The following COL5A1 variants were observed in gnomAD, a reference collection of about 807,000 sequenced individuals.
The protein encoded by COL5A1 is collagen alpha-1(V) chain.
Under a neutral mutation model 263.7 loss-of-function variants are expected in COL5A1, and 16 were observed. The ratio of observed to expected loss-of-function variants is 0.06; its 90% CI spans 0.04 to 0.09. The LOEUF is 0.09. COL5A1 is among the 10% of genes least tolerant of loss of function. COL5A1 has a pLI of 1.00. For synonymous variants in COL5A1, 1,012 were observed against 1,004.5 expected (o/e 1.01, Z -0.14); for missense variants, 2,036 against 2,540.5 (o/e 0.80, Z 4.27).
rs183114696 is a variant in COL5A1 at position 134,818,884 on chromosome 9, G to A, written c.4375G>A (p.Gly1459Ser). The change falls in exon 56 of 66, where the codon GGT becomes AGT. Residue 1459 changes from glycine to serine, a missense_variant. By Grantham distance (56) the Gly-to-Ser change is moderately conservative. Coordinates refer to ENST00000371817, the MANE Select transcript of COL5A1 (RefSeq NM_000093.5). This position sits in a 1 kb window ranked among gnomAD's most constrained non-coding sequence, Gnocchi z 6.0. ...QGLPGSPGPD[G>S]PPGPMGPPGL... ...TCTCCCAGGATCCCCAGGCCCGGAC[G>A]GTCCCCCCGGCCCCATGGTGAGTCA... 26 of 1,612,932 alleles carry A rather than the reference G, an allele frequency of 1.6e-5. 1 individual carries two copies. Among genetic ancestry groups the A allele is most frequent in the Non-Finnish European group, 2.0e-5 (24 of 1,179,702 alleles).
intron 11 of COL5A1, among the ~76,000 whole-genome samples, chr9:134,745,033 G>C (rs913592265): frequency 6.6e-6 from 1 of 152,224 alleles, no homozygotes; most frequent in African/African-American, 2.4e-5. Context: ...CCAGCAGCCT[G>C]GTCGTGAATG....
rs1830151611 is a variant in COL5A1, at chr9:134,843,125, C to T, written c.*822C>T. On this transcript the variant is annotated 3_prime_UTR_variant, in exon 66 of 66. Coordinates refer to ENST00000371817, the MANE Select transcript of COL5A1 (RefSeq NM_000093.5). ...CATTGAAAAGCAGGTACCAGTGCCC[C>T]TTTTCAGACAGTTTTTGATTCGCTC... 6.6e-6 allele frequency: 1 copy of T among 151,158 alleles called. No individual in the cohort carries two copies. The highest frequency in any genetic ancestry group is 2.4e-5 in the African/African-American group (1 of 40,822). 9.4% of individuals were successfully genotyped at this position (151,158 alleles called of 1,614,324 possible).
At chr9:134,776,994 C>T (rs1033060380) in intron 27 of COL5A1, among the ~76,000 whole-genome samples, 2 of 152,232 alleles carry the variant, frequency 1.3e-5, no homozygotes, top group Non-Finnish European at 2.9e-5. Context: ...ACAGCCCCAC[C>T]TCCTAGTTCC....
rs1833077843 is a variant in COL5A1 at position 134,686,322 on chromosome 9, TG to T, written c.110-4588del. Among the ~76,000 whole-genome samples, 1 of 152,134 alleles carries T rather than the reference TG, an allele frequency of 6.6e-6. No homozygotes were observed. Reference sequence around the variant, plus strand: ...AAGCTGGAGTGCAGTGACACGATCCTGGCTTACTGCAACCTCCACCACCCAG... The same window carrying T: ...AAGCTGGAGTGCAGTGACACGATCCTGCTTACTGCAACCTCCACCACCCAG... On this transcript the variant is annotated intron_variant, in intron 1 of 65. Transcript: ENST00000371817. This position sits in a 1 kb window ranked among gnomAD's most constrained non-coding sequence, Gnocchi z 4.6.
At chr9:134,645,483 G>C (rs1157981491) in intron 1 of COL5A1, among the ~76,000 whole-genome samples, 1 of 152,256 alleles carries the variant, frequency 6.6e-6, no homozygotes, top group Non-Finnish European at 1.5e-5. Context: ...ATAGGAGCCT[G>C]AGCCAAGCTG....
rs1839293409 is a variant in COL5A1, at chr9:134,826,806, A to AGGTGTGTGGGTGTGTGGCT, written c.5067+912_5067+930dup. 2.3e-4 allele frequency among the ~76,000 whole-genome samples: 31 copies of AGGTGTGTGGGTGTGTGGCT among 137,486 alleles called. No homozygotes were observed. The South Asian group carries it at 7.1e-3, about 31-fold the overall frequency. The allele number at this position is 137,486 out of a possible 152,430, so 90.2% of individuals were successfully genotyped here. A position where few individuals can be genotyped will look rare whatever the true frequency, so the allele number is the denominator to read the frequency against. On this transcript the variant is annotated intron_variant, in intron 63 of 65. Coordinates refer to ENST00000371817, the MANE Select transcript of COL5A1 (RefSeq NM_000093.5). ...GTGTTTGGGTACTTGTGGCTGGTGC[A>AGGTGTGTGGGTGTGTGGCT]GGTGTGTGGGTGTGTGGCTGGTGTG...
In COL5A1 at chr9:134,759,670, C is replaced by T. The variant is rs1588512865; in HGVS notation, c.1935+1374C>T. 3.0e-5 allele frequency among the ~76,000 whole-genome samples: 3 copies of T among 98,982 alleles called. No homozygotes were observed. The South Asian group carries it at 1.0e-3, about 34-fold the overall frequency. 64.9% of individuals were successfully genotyped at this position (98,982 alleles called of 152,430 possible). On this transcript the variant is annotated intron_variant, in intron 18 of 65. Transcript: ENST00000371817. ...CACATGCACACATACGCATGCACACCCCCACACCCCCACACTCATACACAT... is the reference window on the plus strand; with the variant it reads ...CACATGCACACATACGCATGCACACTCCCACACCCCCACACTCATACACAT...
chr9:134,809,029 G>GT lies in COL5A1; in HGVS notation c.3367-153dup, dbSNP rs985009594. 11 of 728,016 alleles carry GT rather than the reference G, an allele frequency of 1.5e-5. No homozygotes were observed. The African/African-American group carries it at 1.9e-4, about 13-fold the overall frequency. 45.1% of individuals were successfully genotyped at this position (728,016 alleles called of 1,614,324 possible). On this transcript the variant is annotated intron_variant, in intron 42 of 65. Coordinates refer to ENST00000371817, the MANE Select transcript of COL5A1 (RefSeq NM_000093.5). ...GGGGCGGGCTCAGAGTCGGCCCTCA[G>GT]TGGCCCTGGCTGAAATCCATTAGGA...
chr9:134,782,359 A>G (rs898272828), intron 28 of COL5A1, among the ~76,000 whole-genome samples: 3 of 152,198 alleles, frequency 2.0e-5, no homozygotes, highest in African/African-American at 7.2e-5. Context: ...CTGAGAAATG[A>G]TACCGGGAGC....
chr9:134,681,922 GCTCT>G lies in COL5A1; in HGVS notation c.110-8980_110-8977del, dbSNP rs1207769211. Among the ~76,000 whole-genome samples, 3 of 150,488 alleles carry G rather than the reference GCTCT, an allele frequency of 2.0e-5. No individual in the cohort carries two copies. Among genetic ancestry groups the G allele is most frequent in the Non-Finnish European group, 4.4e-5 (3 of 67,550 alleles). On this transcript the variant is annotated intron_variant, in intron 1 of 65. Transcript: ENST00000371817. The surrounding 1 kb of genome is among the most constrained non-coding windows in gnomAD (Gnocchi z 4.3). ...CTCCCTCTCTCTTTCTGTCTGTGTA[GCTCT>G]CTCTCTCTCCCTCTCTCTCCCCATC...
intron 1 of COL5A1, among the ~76,000 whole-genome samples, chr9:134,679,438 G>A (rs1296192516): frequency 9.0e-6 from 1 of 111,012 alleles, no homozygotes; most frequent in Non-Finnish European, 1.9e-5. Context: ...GGGGCACTGT[G>A]GGGCTGGTTG....
chr9:134,689,813 C>A (rs1457084094), intron 1 of COL5A1, among the ~76,000 whole-genome samples: 1 of 150,210 alleles, frequency 6.7e-6, no homozygotes, highest in Non-Finnish European at 1.5e-5. Context: ...CTGCTGGGTT[C>A]CTCCAACTCC....
chr9:134,810,377 G>T, intron 44 of COL5A1, 69 bp downstream of exon 44: 1 of 1,459,490 alleles, frequency 6.9e-7, no homozygotes, highest in South Asian at 1.1e-5. Flanking sequence ...GCTGTAGGCC[G>T]TGTGCCATGC....
intron 28 of COL5A1, among the ~76,000 whole-genome samples, chr9:134,781,774 A>G (rs1837266081): frequency 6.6e-6 from 1 of 152,176 alleles, no homozygotes; most frequent in South Asian, 2.1e-4. Flanking sequence ...AACACTGTGA[A>G]CAAGTGCCTT....
intron 1 of COL5A1, among the ~76,000 whole-genome samples, chr9:134,654,494 A>G (rs1298481424): frequency 4.2e-3 from 80 of 19,208 alleles, no homozygotes; most frequent in African/African-American, 6.3e-3. Context: ...AGTTGTGTAG[A>G]GCTGGTGTGT....
intron 53 of COL5A1, 25 bp from the exon 54 acceptor site, chr9:134,817,753 C>G: frequency 6.2e-7 from 1 of 1,609,672 alleles, no homozygotes; most frequent in Non-Finnish European, 8.5e-7. Context: ...ACACTCACCA[C>G]CTGCTGTTCT....
chr9:134,685,805 TATCC>T (rs1833054165), intron 1 of COL5A1, among the ~76,000 whole-genome samples: 1 of 113,956 alleles, frequency 8.8e-6, no homozygotes, highest in Non-Finnish European at 1.8e-5. Flanking sequence ...ATCATCCATC[TATCC>T]ATCCATTCAT....
intron 37 of COL5A1, among the ~76,000 whole-genome samples, chr9:134,801,745 C>T (rs1416375119): frequency 1.3e-5 from 2 of 151,656 alleles, no homozygotes; most frequent in African/African-American, 2.4e-5. Flanking sequence ...CAAGATCGAG[C>T]CACTGCACTC....
At chr9:134,695,061 C>T (rs1241332629) in intron 2 of COL5A1, among the ~76,000 whole-genome samples, 3 of 152,186 alleles carry the variant, frequency 2.0e-5, no homozygotes, top group East Asian at 3.9e-4. Context: ...TGGGGACCAG[C>T]CCCACCTGAG....
Sources: allele counts gnomAD v4.1 joint callset (sites outside exome capture counted in the v4.1 genomes callset), GRCh38; gene constraint gnomAD v4.1.1; non-coding constraint Gnocchi (gnomAD v3.1); transcripts MANE v1.5; gene names NCBI Gene and HGNC (gene_info 2026-07-23, HGNC 2026-07-21).